Variants in SMURF1 observed in about 807,000 individuals in gnomAD.
The protein encoded by SMURF1 is E3 ubiquitin-protein ligase SMURF1.
Under a neutral mutation model 98.0 loss-of-function variants are expected in SMURF1, and 44 were observed. The ratio of observed to expected loss-of-function variants is 0.45; its 90% CI spans 0.35 to 0.58. SMURF1 has a LOEUF of 0.58. SMURF1 is among the 20% of genes least tolerant of loss of function. SMURF1 has a pLI of 0.00. For synonymous variants in SMURF1, 396 were observed against 374.9 expected (o/e 1.06, Z -0.65); for missense variants, 687 against 938.4 (o/e 0.73, Z 3.50).
chr7:99,109,945 T>C (rs1415390679), intron 1 of SMURF1, among the ~76,000 whole-genome samples: 1 of 152,132 alleles, frequency 6.6e-6, no homozygotes, highest in African/African-American at 2.4e-5. Flanking sequence ...CAGCAACACA[T>C]AGTACATAGT....
chr7:99,111,504 G>A (rs78130061), intron 1 of SMURF1, among the ~76,000 whole-genome samples: 7,917 of 152,042 alleles, frequency 0.052, 259 homozygotes, highest in African/African-American at 0.093. Flanking sequence ...ATTCTGTTAT[G>A]GCACCAGACA....
At chr7:99,142,453 C>G (rs1210504762) in intron 1 of SMURF1, among the ~76,000 whole-genome samples, 1 of 151,116 alleles carries the variant, frequency 6.6e-6, no homozygotes, top group Non-Finnish European at 1.5e-5. Context: ...GAGGGCTGGA[C>G]CAGGGGGAAG....
chr7:99,045,047 G>A (rs1795526745), intron 11 of SMURF1, among the ~76,000 whole-genome samples: 1 of 152,134 alleles, frequency 6.6e-6, no homozygotes, highest in African/African-American at 2.4e-5. Context: ...GCTGAGGTAG[G>A]AGGATCGCTT....
intron 5 of SMURF1, among the ~76,000 whole-genome samples, chr7:99,055,479 A>T (rs982432775): frequency 6.6e-6 from 1 of 151,252 alleles, no homozygotes; most frequent in Admixed American, 6.6e-5. Flanking sequence ...AAAAAAAATT[A>T]AAAATTAAAA....
Position 99,029,739 on chromosome 7 carries a change from A to T in SMURF1, c.*845T>A, listed in dbSNP as rs1794814505. 6.6e-6 allele frequency: 1 copy of T among 152,228 alleles called. No homozygotes were observed. Among genetic ancestry groups the T allele is most frequent in the Non-Finnish European group, 1.5e-5 (1 of 68,048 alleles). The allele number at this position is 152,228 out of a possible 1,614,324, so 9.4% of individuals were successfully genotyped here. Reference sequence around the variant, plus strand: ...TCTTCTATGGACAACAGTGGCACAGAGGTCACAGCTTTGGGACTGACTGGT... The same window carrying T: ...TCTTCTATGGACAACAGTGGCACAGTGGTCACAGCTTTGGGACTGACTGGT... On this transcript the variant is annotated 3_prime_UTR_variant, in exon 18 of 18. Coordinates refer to ENST00000361368, the MANE Select transcript of SMURF1 (RefSeq NM_181349.3).
Position 99,094,920 on chromosome 7 carries a change from G to GT in SMURF1, c.56-33084dup, listed in dbSNP as rs1307992567. On this transcript the variant is annotated intron_variant, in intron 1 of 17. Transcript: ENST00000361368. ...CCACAGCCAGCCAGAGGCTCCCTCA[G>GT]TTTGGCTACCTGCACTGGCTCCATC... is the stretch of plus-strand genomic sequence containing the variant. Among the ~76,000 whole-genome samples the GT allele has an allele frequency of 1.7e-4, 26 of 152,294 alleles. 1 individual carries two copies. In the Middle Eastern group the frequency reaches 0.024, roughly 139 times the overall value.
chr7:99,082,979 T>C (rs1196553393), intron 1 of SMURF1, among the ~76,000 whole-genome samples: 1 of 152,196 alleles, frequency 6.6e-6, no homozygotes, highest in East Asian at 1.9e-4. Context: ...AATGCTTTTT[T>C]ATACTATTTT....
rs1796943835 is a variant in SMURF1, at chr7:99,095,753, G to A, written c.56-33916C>T. 2.0e-5 allele frequency among the ~76,000 whole-genome samples: 3 copies of A among 152,292 alleles called. No homozygotes were observed. The South Asian group carries it at 6.2e-4, about 32-fold the overall frequency. The stretch of plus-strand genomic sequence containing the variant: ...TCAACTTAGCCACGGGGGCCTGGGG[G>A]AGATGAGAATTGCGCACTTAGCATT... On this transcript the variant is annotated intron_variant, in intron 1 of 17. Transcript: ENST00000361368.
chr7:99,078,136 C>G (rs1796504775), intron 1 of SMURF1, among the ~76,000 whole-genome samples: 1 of 152,078 alleles, frequency 6.6e-6, no homozygotes, highest in South Asian at 2.1e-4. Flanking sequence ...CCCGTCTCTA[C>G]TAGAAATACA....
Position 99,030,561 on chromosome 7 carries a change from A to G in SMURF1, c.*23T>C, listed in dbSNP as rs1232967558. 6.2e-7 allele frequency: 1 copy of G among 1,607,814 alleles called. No homozygotes were observed. The highest frequency in any genetic ancestry group is 8.5e-7 in the Non-Finnish European group (1 of 1,174,816). On this transcript the variant is annotated 3_prime_UTR_variant, in exon 18 of 18. Coordinates refer to ENST00000361368, the MANE Select transcript of SMURF1 (RefSeq NM_181349.3). ...TTTTGGTCTGGTGGCCATGAGCTAG[A>G]CTCTGTTGCCTTTGGTTGCTTTTCA...
chr7:99,060,856 C>T, intron 2 of SMURF1, 149 bp from the exon 3 acceptor site: 1 of 425,042 alleles, frequency 2.4e-6, no homozygotes. Context: ...GCCTAGTATG[C>T]CTCCATACTC....
chr7:99,040,744 T>G (rs561579222), intron 12 of SMURF1, among the ~76,000 whole-genome samples, 188 bp from the exon 13 acceptor site: 1 of 152,296 alleles, frequency 6.6e-6, no homozygotes, highest in South Asian at 2.1e-4. Flanking sequence ...TTTGCCTAGA[T>G]TCGCTGGACA....
At chr7:99,054,733 G>T in intron 6 of SMURF1, 57 bp downstream of exon 6, 1 of 1,494,414 alleles carries the variant, frequency 6.7e-7, no homozygotes. Context: ...TTTCCTATAG[G>T]CCGAGAGGTT....
At chr7:99,093,907 A>G (rs1210622882) in intron 1 of SMURF1, among the ~76,000 whole-genome samples, 2 of 152,202 alleles carry the variant, frequency 1.3e-5, no homozygotes, top group East Asian at 3.8e-4. Context: ...GTTGTAATAT[A>G]TTAATTTGAA....
intron 1 of SMURF1, among the ~76,000 whole-genome samples, chr7:99,126,746 T>C (rs1797755149): frequency 6.6e-6 from 1 of 152,256 alleles, no homozygotes; most frequent in Admixed American, 6.5e-5. Context: ...GATGCATTGA[T>C]CTGATATTTG....
At chr7:99,132,592 G>A (rs933150545) in intron 1 of SMURF1, among the ~76,000 whole-genome samples, 15 of 152,140 alleles carry the variant, frequency 9.9e-5, no homozygotes, top group African/African-American at 3.4e-4. Flanking sequence ...TGGTCAGGGA[G>A]GGTATCCCTG....
chr7:99,054,673 C>T (rs530990761), intron 6 of SMURF1, 117 bp downstream of exon 6: 2 of 821,420 alleles, frequency 2.4e-6, no homozygotes, highest in East Asian at 2.4e-5. Flanking sequence ...TCCCAACATC[C>T]TTTATGCATC....
intron 1 of SMURF1, among the ~76,000 whole-genome samples, chr7:99,123,053 G>C (rs1375610249): frequency 6.6e-6 from 1 of 151,434 alleles, no homozygotes; most frequent in Admixed American, 6.6e-5. Flanking sequence ...ACAGGACAGG[G>C]CTAGCGTAAA....
intron 17 of SMURF1, 184 bp from the exon 18 acceptor site, chr7:99,030,867 GT>G (rs1395885899): frequency 5.7e-6 from 3 of 527,134 alleles, no homozygotes; most frequent in Non-Finnish European, 1.0e-5. Context: ...TTTGTAATTT[GT>G]TTTTGCTTTT....
Sources: allele counts gnomAD v4.1 joint callset (sites outside exome capture counted in the v4.1 genomes callset), GRCh38; gene constraint gnomAD v4.1.1; transcripts MANE v1.5; gene names NCBI Gene and HGNC (gene_info 2026-07-23, HGNC 2026-07-21).